XRCC5: variants seen among roughly 807,000 people sequenced by gnomAD.
XRCC5 encodes DNA repair protein Ku80.
XRCC5 carries 12 observed loss-of-function variants against 95.7 expected under a neutral mutation model. That is an observed-to-expected ratio of 0.13 (90% CI 0.08 to 0.20). The LOEUF (loss-of-function observed/expected upper bound fraction) is 0.20. Ranked by LOEUF, XRCC5 falls within the 10% of genes least tolerant of loss-of-function variation. The probability of loss-of-function intolerance (pLI) is 1.00; values close to 1 mark genes in which losing one functional copy is unlikely to be tolerated. For missense variants in XRCC5, 595 were observed against 873.9 expected (o/e 0.68, Z 4.02); for synonymous variants, 281 against 290.3 (o/e 0.97, Z 0.33).
chr2:216,203,108 A>T (rs973768388), intron 19 of XRCC5, among the ~76,000 whole-genome samples: 2 of 152,146 alleles, frequency 1.3e-5, no homozygotes, highest in Admixed American at 1.3e-4. Context: ...GAGAGTGAGG[A>T]AAGTATAATT....
In XRCC5 at chr2:216,148,115, G is replaced by A. The variant is rs1407520338; in HGVS notation, c.1509G>A (p.Glu503=). The change falls in exon 14 of 21, where the codon GAG becomes GAA. Residue 503 remains glutamate (E), a synonymous_variant. Coordinates refer to ENST00000392132, the MANE Select transcript of XRCC5 (RefSeq NM_021141.4). The part of the protein sequence containing the change: ...CLLHRALHPR[E]PLPPIQQHIW... ...TGCACAGAGCTTTACATCCCCGGGA[G>A]CCTCTACCCCCAATTCAGCAGCATA... 3 of 1,613,630 alleles carry A rather than the reference G, an allele frequency of 1.9e-6. No homozygotes were observed. The highest frequency in any genetic ancestry group is 2.2e-5 in the South Asian group (2 of 91,002).
At chr2:216,140,129 G>T (rs1485078714) in intron 12 of XRCC5, among the ~76,000 whole-genome samples, 1 of 152,186 alleles carries the variant, frequency 6.6e-6, no homozygotes, top group Non-Finnish European at 1.5e-5. Flanking sequence ...AGATGGTGTT[G>T]GCTGTGCCAT....
chr2:216,186,723 A>G lies in XRCC5; in HGVS notation c.1835-3502A>G, dbSNP rs41302500. On this transcript the variant is annotated intron_variant, in intron 16 of 20. Coordinates refer to ENST00000392132, the MANE Select transcript of XRCC5 (RefSeq NM_021141.4). The stretch of plus-strand genomic sequence containing the variant: ...CTAATTTCGAAAAGCATTTTGGTGA[A>G]TTATAATTGGGGCTGTGATTTACTG... 1.6e-3 allele frequency among the ~76,000 whole-genome samples: 247 copies of G among 152,324 alleles called. 1 individual carries two copies. The highest frequency in any genetic ancestry group is 5.9e-3 in the African/African-American group (244 of 41,568).
At chr2:216,171,269 T>A (rs976184796) in intron 16 of XRCC5, among the ~76,000 whole-genome samples, 7 of 152,214 alleles carry the variant, frequency 4.6e-5, no homozygotes, top group Non-Finnish European at 1.0e-4. Context: ...CAGAAAGAAG[T>A]GGCAAGTGTA....
intron 16 of XRCC5, among the ~76,000 whole-genome samples, chr2:216,181,676 A>G (rs367559809): frequency 4.0e-4 from 61 of 152,290 alleles, no homozygotes; most frequent in African/African-American, 1.4e-3. Flanking sequence ...CTGCTGCTTT[A>G]CCATCAGTGA....
chr2:216,127,446 T>C, intron 7 of XRCC5, 90 bp from the exon 8 acceptor site: 1 of 1,400,556 alleles, frequency 7.1e-7, no homozygotes, highest in Non-Finnish European at 9.4e-7. Context: ...TCTGGATTTT[T>C]GTCTGTGCCA....
At chr2:216,120,988 G>C (rs539973809) in intron 5 of XRCC5, among the ~76,000 whole-genome samples, 4 of 152,222 alleles carry the variant, frequency 2.6e-5, no homozygotes, top group African/African-American at 9.6e-5. Flanking sequence ...CACCTGCCTC[G>C]CCCTCCCAAA....
intron 1 of XRCC5, among the ~76,000 whole-genome samples, 162 bp downstream of exon 1, chr2:216,109,619 T>G (rs1696548506): frequency 6.6e-6 from 1 of 152,134 alleles, no homozygotes; most frequent in Non-Finnish European, 1.5e-5. Flanking sequence ...GGATGCGCTA[T>G]GAGAAAAGCT....
intron 5 of XRCC5, among the ~76,000 whole-genome samples, chr2:216,120,737 G>GATT (rs563979688): frequency 8.7e-4 from 99 of 114,382 alleles, no homozygotes; most frequent in African/African-American, 3.2e-3. Context: ...AGTTTTTCTT[G>GATT]GTTGTTGTTT....
intron 18 of XRCC5, among the ~76,000 whole-genome samples, chr2:216,193,054 C>T (rs539776949): frequency 1.3e-5 from 2 of 152,308 alleles, no homozygotes; most frequent in South Asian, 4.1e-4. Flanking sequence ...CGAACATTGT[C>T]CCCTTTCTCA....
At chr2:216,155,836 G>A (rs906272110) in intron 14 of XRCC5, among the ~76,000 whole-genome samples, 8 of 152,010 alleles carry the variant, frequency 5.3e-5, no homozygotes, top group African/African-American at 1.7e-4. Flanking sequence ...GGGTAAGTGG[G>A]GTGCAGAGGG....
At chr2:216,176,547 T>C (rs1689282607) in intron 16 of XRCC5, among the ~76,000 whole-genome samples, 1 of 152,250 alleles carries the variant, frequency 6.6e-6, no homozygotes, top group South Asian at 2.1e-4. Flanking sequence ...TATTCCCTTA[T>C]AATAATATTT....
In XRCC5 at chr2:216,137,049, A is replaced by G. The variant is rs200880866; in HGVS notation, c.1114-39A>G. 2.8e-5 allele frequency: 44 copies of G among 1,591,206 alleles called. 1 individual carries two copies. Among genetic ancestry groups the G allele is most frequent in the Non-Finnish European group, 3.2e-5 (38 of 1,169,478 alleles). On this transcript the variant is annotated intron_variant, in intron 10 of 20. Transcript: ENST00000392132. ...TGAGTTCTGTTGTGAAAACTCTCAC[A>G]TGTTGAATATGTGTTAATACATCCA...
At chr2:216,190,634 A>G (rs567974600) in intron 17 of XRCC5, among the ~76,000 whole-genome samples, 2 of 152,320 alleles carry the variant, frequency 1.3e-5, no homozygotes, top group Admixed American at 1.3e-4. Context: ...AATTTCCATT[A>G]TAACCTCTGG....
intron 16 of XRCC5, among the ~76,000 whole-genome samples, chr2:216,187,828 CTCTCT>C (rs1689531571): frequency 1.3e-5 from 1 of 78,876 alleles, no homozygotes; most frequent in African/African-American, 5.4e-5. Context: ...CACACTCTCT[CTCTCT>C]CTCTCTCTCT....
chr2:216,137,320 G>T, intron 11 of XRCC5, 95 bp downstream of exon 11: 1 of 1,387,592 alleles, frequency 7.2e-7, no homozygotes, highest in East Asian at 2.5e-5. Flanking sequence ...ATTACTTGGG[G>T]ATCTTGTTAA....
rs1273786986 is a variant in XRCC5 at position 216,114,815 on chromosome 2, C to T, written c.135+1686C>T. 2.2e-4 allele frequency among the ~76,000 whole-genome samples: 34 copies of T among 152,256 alleles called. 4 individuals carry two copies. In the South Asian group the frequency reaches 5.8e-3, roughly 26 times the overall value. ...GAACTTTAACTGGTATAAAAGCTGC[C>T]TCTGGGGGCGCTCGACCAATAATGC... is the stretch of plus-strand genomic sequence containing the variant. On this transcript the variant is annotated intron_variant, in intron 2 of 20. Transcript: ENST00000392132.
At position 216,175,260 on chromosome 2, in the gene XRCC5, A is replaced by AACCACCTCTGCTGCC. The variant is rs41302456; in HGVS notation, c.1834+13222_1834+13236dup. The AACCACCTCTGCTGCC allele has an allele frequency of 5.2e-3, 2,171 of 417,894 alleles. 75 individuals are homozygous for AACCACCTCTGCTGCC. The Admixed American group carries it at 0.056, about 11-fold the overall frequency. 25.9% of individuals were successfully genotyped at this position (417,894 alleles called of 1,614,324 possible). The stretch of plus-strand genomic sequence containing the variant: ...TTATATCCACCATTACACCCTCCAT[A>AACCACCTCTGCTGCC]ACCACCTCTGCTGCCACCACCTCTA... On this transcript the variant is annotated intron_variant, in intron 16 of 20. Coordinates refer to ENST00000392132, the MANE Select transcript of XRCC5 (RefSeq NM_021141.4).
intron 19 of XRCC5, among the ~76,000 whole-genome samples, chr2:216,198,732 T>C (rs1689780519): frequency 6.6e-6 from 1 of 152,026 alleles, no homozygotes; most frequent in African/African-American, 2.4e-5. Flanking sequence ...TTTGTATTTT[T>C]AGTAGAGATG....
Sources: gnomAD v4.1 joint callset for allele counts (sites outside exome capture counted in the v4.1 genomes callset) on GRCh38, gnomAD v4.1.1 for gene constraint, MANE v1.5 for transcripts, NCBI Gene and HGNC (gene_info 2026-07-23, HGNC 2026-07-21) for gene names.